Variants in ADCY2 observed in about 807,000 individuals in gnomAD.
The protein encoded by ADCY2 is adenylate cyclase 2, also known as adenylate cyclase type 2.
Under a neutral mutation model 125.2 loss-of-function variants are expected in ADCY2, and 31 were observed. That is an observed-to-expected ratio of 0.25 (90% CI 0.19 to 0.33). The LOEUF (loss-of-function observed/expected upper bound fraction) is 0.33. Ranked by LOEUF, ADCY2 falls within the 10% of genes least tolerant of loss-of-function variation. ADCY2 has a pLI of 1.00. For missense variants in ADCY2, 904 were observed against 1,418.2 expected (o/e 0.64, Z 5.82); for synonymous variants, 512 against 548.4 (o/e 0.93, Z 0.93).
chr5:7,708,371 G>C (rs372197972), intron 9 of ADCY2, among the ~76,000 whole-genome samples: 1 of 152,140 alleles, frequency 6.6e-6, no homozygotes, highest in South Asian at 2.1e-4. Context: ...AACATCTACT[G>C]CCTGAGATGA....
At chr5:7,724,838 T>G (rs188139627) in intron 13 of ADCY2, among the ~76,000 whole-genome samples, 1 of 152,170 alleles carries the variant, frequency 6.6e-6, no homozygotes, top group African/African-American at 2.4e-5. Context: ...ACCCTCTCGA[T>G]AGTAAATGGT....
rs368995732 is a variant in ADCY2, at chr5:7,442,732, GT to G, written c.408+27965del. Among the ~76,000 whole-genome samples the G allele has an allele frequency of 2.3e-4, 35 of 152,256 alleles. 1 individual carries two copies. Among genetic ancestry groups the G allele is most frequent in the African/African-American group, 8.2e-4 (34 of 41,546 alleles). ...TTTCACTTATGAGTAGGGCTAATTA[GT>G]TTATCTGAAATGAAACTTGAATAGG... On this transcript the variant is annotated intron_variant, in intron 2 of 24. Coordinates refer to ENST00000338316, the MANE Select transcript of ADCY2 (RefSeq NM_020546.3).
At chr5:7,490,195 C>A (rs143680298) in intron 2 of ADCY2, among the ~76,000 whole-genome samples, 1 of 152,212 alleles carries the variant, frequency 6.6e-6, no homozygotes, top group Non-Finnish European at 1.5e-5. Flanking sequence ...TTTCTTATTA[C>A]AACTAGTAGG....
At chr5:7,801,466 G>C (rs1264834565) in intron 20 of ADCY2, 3 of 152,202 alleles carry the variant, frequency 2.0e-5, no homozygotes, top group Non-Finnish European at 4.4e-5. Flanking sequence ...AGGACCCCTT[G>C]CCAGTGGAAG....
chr5:7,614,592 T>C (rs1278688111), intron 3 of ADCY2, among the ~76,000 whole-genome samples: 4 of 152,200 alleles, frequency 2.6e-5, no homozygotes, highest in Non-Finnish European at 5.9e-5. Flanking sequence ...GGTCCCTGTT[T>C]GCTGCTCCAG....
intron 4 of ADCY2, among the ~76,000 whole-genome samples, chr5:7,668,967 A>G (rs951151844): frequency 6.6e-6 from 1 of 152,214 alleles, no homozygotes; most frequent in Non-Finnish European, 1.5e-5. Flanking sequence ...TTTTCCTGAA[A>G]CATAATTCTA....
At chr5:7,564,183 G>A (rs1735815333) in intron 3 of ADCY2, among the ~76,000 whole-genome samples, 1 of 152,166 alleles carries the variant, frequency 6.6e-6, no homozygotes. Context: ...CCCAAAAGCA[G>A]TTAACTAGGG....
intron 22 of ADCY2, among the ~76,000 whole-genome samples, chr5:7,808,146 C>G (rs1041243397): frequency 6.6e-6 from 1 of 152,230 alleles, no homozygotes; most frequent in Non-Finnish European, 1.5e-5. Flanking sequence ...GTGCCCCAAC[C>G]TGGGGAGCTT....
chr5:7,427,538 T>G (rs1446190373), intron 2 of ADCY2, among the ~76,000 whole-genome samples: 1 of 152,052 alleles, frequency 6.6e-6, no homozygotes, highest in Non-Finnish European at 1.5e-5. Context: ...CATGATCCAC[T>G]CACTTCCCAT....
chr5:7,585,315 G>A (rs1736594787), intron 3 of ADCY2, among the ~76,000 whole-genome samples: 1 of 152,142 alleles, frequency 6.6e-6, no homozygotes, highest in Non-Finnish European at 1.5e-5. Context: ...TTTTGTGTAT[G>A]TGGAAATCCA....
In ADCY2 at chr5:7,520,872, G is replaced by T. The variant is rs777420588; in HGVS notation, c.543G>T (p.Pro181=). ...TTAGCGTCTGCCTGTCTGCAACACC[G>T]GGAGGCAAGGAGCACCTGGTCTGGC... ...IVLSVCLSAT[P]GGKEHLVWQI... The change falls in exon 3 of 25, where the codon CCG becomes CCT. Residue 181 remains proline (P), a synonymous_variant. Coordinates refer to ENST00000338316, the MANE Select transcript of ADCY2 (RefSeq NM_020546.3). 2 of 1,613,974 alleles carry T rather than the reference G, an allele frequency of 1.2e-6. No homozygotes were observed. The highest frequency in any genetic ancestry group is 1.7e-6 in the Non-Finnish European group (2 of 1,180,024).
At chr5:7,776,670 G>A (rs1245548826) in intron 18 of ADCY2, among the ~76,000 whole-genome samples, 1 of 152,150 alleles carries the variant, frequency 6.6e-6, no homozygotes, top group Non-Finnish European at 1.5e-5. Context: ...TTGAGTCGGT[G>A]GACTGGGAGA....
intron 2 of ADCY2, among the ~76,000 whole-genome samples, chr5:7,518,386 A>C (rs1161708638): frequency 6.6e-5 from 10 of 152,180 alleles, no homozygotes; most frequent in Admixed American, 6.5e-4. Context: ...TTCCCAGCCA[A>C]ACTTTGCATT....
chr5:7,632,625 A>T (rs1738355434), intron 4 of ADCY2, among the ~76,000 whole-genome samples: 1 of 152,210 alleles, frequency 6.6e-6, no homozygotes, highest in African/African-American at 2.4e-5. Context: ...AAAGGTTCTC[A>T]TCACAGTGTT....
intron 2 of ADCY2, among the ~76,000 whole-genome samples, chr5:7,512,218 CAAAAAAA>C (rs57381383): frequency 2.8e-4 from 16 of 57,910 alleles, no homozygotes; most frequent in South Asian, 1.1e-3. Context: ...ATGACTCCAT[CAAAAAAA>C]AAAAAAAAAA....
intron 18 of ADCY2, among the ~76,000 whole-genome samples, chr5:7,781,619 T>G (rs1215857861): frequency 6.6e-6 from 1 of 152,182 alleles, no homozygotes; most frequent in Non-Finnish European, 1.5e-5. Flanking sequence ...CCTGAGAACA[T>G]CCTACTGTCA....
chr5:7,738,893 AC>A (rs1742328797), intron 14 of ADCY2, among the ~76,000 whole-genome samples: 1 of 151,948 alleles, frequency 6.6e-6, no homozygotes, highest in Non-Finnish European at 1.5e-5. Flanking sequence ...AAAGCACTTA[AC>A]CTACAGTAGA....
intron 2 of ADCY2, among the ~76,000 whole-genome samples, chr5:7,494,561 C>A (rs1486595546): frequency 6.6e-6 from 1 of 152,124 alleles, no homozygotes; most frequent in South Asian, 2.1e-4. Context: ...CTTAACCCAT[C>A]CTAGTGAGCA....
At chr5:7,441,327 G>T (rs990057056) in intron 2 of ADCY2, among the ~76,000 whole-genome samples, 3 of 152,122 alleles carry the variant, frequency 2.0e-5, no homozygotes, top group African/African-American at 7.2e-5. Context: ...CTAAACTGGG[G>T]TATAACAAGT....
Sources: gnomAD v4.1 joint callset for allele counts (sites outside exome capture counted in the v4.1 genomes callset) on GRCh38, gnomAD v4.1.1 for gene constraint, MANE v1.5 for transcripts, NCBI Gene and HGNC (gene_info 2026-07-23, HGNC 2026-07-21) for gene names.